The following SIM1 variants were observed in gnomAD, a reference collection of about 807,000 sequenced individuals.
SIM1 encodes single-minded homolog 1.
SIM1 carries 18 observed loss-of-function variants against 78.2 expected under a neutral mutation model. That is an observed-to-expected ratio of 0.23 (90% confidence interval 0.16 to 0.34). The LOEUF (loss-of-function observed/expected upper bound fraction) is 0.34, where lower values mean the gene tolerates loss of function less well. Among genes scored for constraint, SIM1 ranks in the 10% least tolerant of loss-of-function variants. The pLI is 1.00. For missense variants in SIM1, 939 were observed against 975.1 expected (o/e 0.96, Z 0.49); for synonymous variants, 417 against 385.2 (o/e 1.08, Z -0.97).
chr6:100,394,576 A>T (rs1230912103), intron 10 of SIM1, among the ~76,000 whole-genome samples: 1 of 151,948 alleles, frequency 6.6e-6, no homozygotes, highest in Non-Finnish European at 1.5e-5. Context: ...GCTAATTTTT[A>T]AATTCTTTGG....
chr6:100,414,167 G>A (rs1202044966), intron 10 of SIM1, among the ~76,000 whole-genome samples: 2 of 152,186 alleles, frequency 1.3e-5, no homozygotes, highest in Non-Finnish European at 2.9e-5. Context: ...AGGGATGGAT[G>A]GGCAGAAGCC....
chr6:100,459,532 A>G (rs1049628990), intron 2 of SIM1, among the ~76,000 whole-genome samples: 11 of 152,244 alleles, frequency 7.2e-5, no homozygotes, highest in African/African-American at 2.7e-4. Flanking sequence ...CCCACGTGGG[A>G]CATGGGGCCT....
intron 2 of SIM1, among the ~76,000 whole-genome samples, chr6:100,454,177 G>C (rs995219825): frequency 6.6e-6 from 1 of 152,102 alleles, no homozygotes; most frequent in East Asian, 1.9e-4. Context: ...GTGTGTTTAC[G>C]GGGCGTAAGG....
intron 9 of SIM1, among the ~76,000 whole-genome samples, chr6:100,432,250 C>T (rs570869791): frequency 7.2e-5 from 11 of 152,290 alleles, no homozygotes; most frequent in South Asian, 2.1e-4. Flanking sequence ...AACTTCAGCA[C>T]GCCTCGGAAG....
At chr6:100,398,048 C>T (rs1770811729) in intron 10 of SIM1, among the ~76,000 whole-genome samples, 1 of 152,084 alleles carries the variant, frequency 6.6e-6, no homozygotes, top group South Asian at 2.1e-4. Context: ...AACTGGATCA[C>T]TCATACAATG....
intron 10 of SIM1, among the ~76,000 whole-genome samples, chr6:100,407,109 A>G (rs928579021): frequency 2.6e-5 from 4 of 152,160 alleles, no homozygotes; most frequent in African/African-American, 9.7e-5. Flanking sequence ...TAGCATGATT[A>G]TCCATTTTTT....
At chr6:100,457,770 C>T (rs1408585440) in intron 2 of SIM1, among the ~76,000 whole-genome samples, 1 of 152,232 alleles carries the variant, frequency 6.6e-6, no homozygotes, top group East Asian at 1.9e-4. Flanking sequence ...CTGCGGCCCT[C>T]TCCGGCTAAG....
chr6:100,441,605 G>T (rs187075345), intron 9 of SIM1, among the ~76,000 whole-genome samples: 1 of 152,292 alleles, frequency 6.6e-6, no homozygotes, highest in Admixed American at 6.5e-5. Context: ...TAGCAATAAT[G>T]TACTTCTATA....
intron 9 of SIM1, among the ~76,000 whole-genome samples, chr6:100,444,100 T>C (rs1364290227): frequency 7.0e-6 from 1 of 143,652 alleles, no homozygotes; most frequent in Non-Finnish European, 1.5e-5. Context: ...CATAGTTTAT[T>C]AGGTGTTCTA....
rs1235207108 is a variant in SIM1 at position 100,412,651 on chromosome 6, AAGAAAG to A, written c.1167+8133_1167+8138del. Reference sequence around the variant, plus strand: ...AAGAAAGAAAGAAAAGAAAGAAAGAAAGAAAGAGAGAGAGAGAGAGAGAAAGAAAGA... The same window carrying A: ...AAGAAAGAAAGAAAAGAAAGAAAGAAAGAGAGAGAGAGAGAGAAAGAAAGA... On this transcript the variant is annotated intron_variant, in intron 10 of 11. Coordinates refer to ENST00000369208, the MANE Select transcript of SIM1 (RefSeq NM_005068.3). Among the ~76,000 whole-genome samples the A allele has an allele frequency of 1.8e-4, 19 of 102,932 alleles. 1 individual carries two copies. Among genetic ancestry groups the A allele is most frequent in the Admixed American group, 7.4e-4 (7 of 9,500 alleles). 67.5% of individuals were successfully genotyped at this position (102,932 alleles called of 152,430 possible).
rs1770547649 is a variant in SIM1, at chr6:100,387,749, T to G, written c.*2612A>C. On this transcript the variant is annotated 3_prime_UTR_variant, in exon 12 of 12. Transcript: ENST00000369208. Reference sequence around the variant, plus strand: ...TCATTTTAAAGAGCATTATTCCTTCTGATTACTCTCATCTGTGAAATTCAT... The same window carrying G: ...TCATTTTAAAGAGCATTATTCCTTCGGATTACTCTCATCTGTGAAATTCAT... 6.6e-6 allele frequency: 1 copy of G among 152,154 alleles called. No homozygotes were observed. The highest frequency in any genetic ancestry group is 2.1e-4 in the South Asian group (1 of 4,832). The allele number at this position is 152,154 out of a possible 1,614,324, so 9.4% of individuals were successfully genotyped here.
chr6:100,405,073 G>A (rs975974780), intron 10 of SIM1, among the ~76,000 whole-genome samples: 2 of 151,502 alleles, frequency 1.3e-5, no homozygotes, highest in South Asian at 4.2e-4. Context: ...TTAATAAACA[G>A]CAAAAATAAA....
intron 2 of SIM1, among the ~76,000 whole-genome samples, chr6:100,455,307 G>T (rs772224743): frequency 3.9e-5 from 6 of 152,030 alleles, no homozygotes; most frequent in Non-Finnish European, 8.8e-5. Flanking sequence ...TCTGGCTCCC[G>T]GTCAACTCAT....
intron 9 of SIM1, among the ~76,000 whole-genome samples, chr6:100,436,050 A>G (rs1379036238): frequency 6.6e-6 from 1 of 151,818 alleles, no homozygotes; most frequent in East Asian, 1.9e-4. Context: ...AACTCCTCCC[A>G]CTGTCTCTCC....
intron 2 of SIM1, among the ~76,000 whole-genome samples, chr6:100,458,006 T>TTCTCTTTCTCTCTC: frequency 1.1e-5 from 1 of 90,308 alleles, no homozygotes; most frequent in South Asian, 4.9e-4. Flanking sequence ...GTCTCTCTCT[T>TTCTCTTTCTCTCTC]TCTCTCTCTC....
Position 100,463,650 on chromosome 6 carries a change from C to A in SIM1, c.-182G>T, listed in dbSNP as rs1046144524. ...GCAGTAAAAGACCAGCGGGGGTGAA[C>A]GGAAAATATGTTCTTTGAAAATTCG... On this transcript the variant is annotated 5_prime_UTR_variant, in exon 2 of 12. Transcript: ENST00000369208. 1 of 550,832 alleles carries A rather than the reference C, an allele frequency of 1.8e-6. No individual in the cohort carries two copies. The highest frequency in any genetic ancestry group is 3.1e-5 in the South Asian group (1 of 32,262). The allele number at this position is 550,832 out of a possible 1,614,324, so 34.1% of individuals were successfully genotyped here. A position where few individuals can be genotyped will look rare whatever the true frequency, so the allele number is the denominator to read the frequency against.
intron 9 of SIM1, among the ~76,000 whole-genome samples, chr6:100,440,793 G>A (rs1351480441): frequency 6.6e-6 from 1 of 152,168 alleles, no homozygotes; most frequent in Non-Finnish European, 1.5e-5. Context: ...AGGAAGTATT[G>A]GTTAAGGTGA....
intron 10 of SIM1, among the ~76,000 whole-genome samples, chr6:100,405,264 T>G (rs1771025189): frequency 6.6e-6 from 1 of 152,032 alleles, no homozygotes; most frequent in South Asian, 2.1e-4. Context: ...GAATATATTC[T>G]AAAAGAAAAA....
At chr6:100,408,341 T>C (rs1771103058) in intron 10 of SIM1, among the ~76,000 whole-genome samples, 1 of 152,078 alleles carries the variant, frequency 6.6e-6, no homozygotes, top group Non-Finnish European at 1.5e-5. Context: ...ATTGTATGGA[T>C]TATTATAGCT....
Sources: allele counts gnomAD v4.1 joint callset (sites outside exome capture counted in the v4.1 genomes callset), GRCh38; gene constraint gnomAD v4.1.1; transcripts MANE v1.5; gene names NCBI Gene and HGNC (gene_info 2026-07-23, HGNC 2026-07-21).